Variants in CMC1 observed in about 807,000 individuals in gnomAD.
The protein encoded by CMC1 is C-X9-C motif containing 1, also known as COX assembly mitochondrial protein homolog.
A neutral mutation model predicts 14.1 loss-of-function variants in CMC1; 14 were observed. That is an observed-to-expected ratio of 0.99 (90% CI 0.66 to 1.55). The LOEUF is 1.55. Among genes scored for constraint, CMC1 ranks in the 40% most tolerant of loss-of-function variants. The probability of loss-of-function intolerance (pLI) is 0.00; values close to 1 mark genes in which losing one functional copy is unlikely to be tolerated. For synonymous variants in CMC1, 50 were observed against 38.4 expected (o/e 1.30, Z -1.12); for missense variants, 127 against 123.8 (o/e 1.03, Z -0.12).
chr3:28,255,758 A>C (rs1241892751), intron 1 of CMC1, among the ~76,000 whole-genome samples: 2 of 116,286 alleles, frequency 1.7e-5, no homozygotes, highest in African/African-American at 3.3e-5. Flanking sequence ...CACACACGCG[A>C]CAGAGATGAT....
At position 28,324,465 on chromosome 3, in the gene CMC1, A is replaced by C. The variant is rs35465423; in HGVS notation, c.*4836A>C. 1.4e-6 allele frequency: 2 copies of C among 1,451,612 alleles called. No individual in the cohort carries two copies. Among genetic ancestry groups the C allele is most frequent in the African/African-American group, 2.8e-5 (2 of 70,664 alleles). 89.9% of individuals were successfully genotyped at this position (1,451,612 alleles called of 1,614,324 possible). A position where few individuals can be genotyped will look rare whatever the true frequency, so the allele number is the denominator to read the frequency against. On this transcript the variant is annotated 3_prime_UTR_variant, in exon 4 of 4. Transcript: ENST00000466830. ...CTACAGGGGCACAGGCTAAAAAGAA[A>C]ACACAGACTAAATGTCAGTTTTCAT...
Position 28,256,898 on chromosome 3 carries a change from A to G in CMC1, c.20-6393A>G, listed in dbSNP as rs554606167. ...AATTGGAAGAGAATCTTTTGTCAGAATATTAAAATTGAGAGAGGTTTTATT... is the reference window on the plus strand; with the variant it reads ...AATTGGAAGAGAATCTTTTGTCAGAGTATTAAAATTGAGAGAGGTTTTATT... On this transcript the variant is annotated intron_variant, in intron 1 of 3. Coordinates refer to ENST00000466830, the MANE Select transcript of CMC1 (RefSeq NM_182523.2). Among the ~76,000 whole-genome samples the G allele has an allele frequency of 3.3e-5, 5 of 152,348 alleles. No homozygotes were observed. In the South Asian group the frequency reaches 1.0e-3, roughly 32 times the overall value.
In CMC1 at chr3:28,285,907, C is replaced by T. The variant is rs139190955; in HGVS notation, c.109+22527C>T. Among the ~76,000 whole-genome samples the T allele has an allele frequency of 4.4e-3, 662 of 151,894 alleles. 10 individuals carry two copies. The highest frequency in any genetic ancestry group is 0.015 in the African/African-American group (623 of 41,422). ...TCAGCCTCCCGAGTAGCTGGGACTA[C>T]GCGCCTGCCACCACACCCGGCTAAT... is the stretch of plus-strand genomic sequence containing the variant. On this transcript the variant is annotated intron_variant, in intron 2 of 3. Coordinates refer to ENST00000466830, the MANE Select transcript of CMC1 (RefSeq NM_182523.2).
chr3:28,310,942 C>T (rs555685322), intron 2 of CMC1, among the ~76,000 whole-genome samples: 5 of 152,326 alleles, frequency 3.3e-5, no homozygotes, highest in African/African-American at 1.2e-4. Flanking sequence ...TCTAATGCTG[C>T]TGCTGATCTG....
At chr3:28,277,723 C>T (rs1327907760) in intron 2 of CMC1, among the ~76,000 whole-genome samples, 1 of 152,012 alleles carries the variant, frequency 6.6e-6, no homozygotes, top group African/African-American at 2.4e-5. Flanking sequence ...ATGATCTTGG[C>T]AGAAGGAATA....
At chr3:28,292,528 G>T (rs1318156774) in intron 2 of CMC1, among the ~76,000 whole-genome samples, 1 of 151,968 alleles carries the variant, frequency 6.6e-6, no homozygotes, top group Admixed American at 6.6e-5. Context: ...TATATTTAAG[G>T]TCACCTGGGT....
intron 1 of CMC1, among the ~76,000 whole-genome samples, chr3:28,243,310 C>T (rs1698631776): frequency 6.6e-6 from 1 of 152,114 alleles, no homozygotes; most frequent in South Asian, 2.1e-4. Flanking sequence ...CCTGACTTGG[C>T]CTCCCAAAGT....
intron 1 of CMC1, among the ~76,000 whole-genome samples, chr3:28,262,241 A>G (rs1215782172): frequency 1.3e-5 from 2 of 152,114 alleles, no homozygotes; most frequent in African/African-American, 2.4e-5. Context: ...TTGGGGTTTC[A>G]GACATTTCAT....
intron 1 of CMC1, chr3:28,253,908 A>G (rs1699263254): frequency 2.7e-6 from 1 of 366,720 alleles, no homozygotes; most frequent in Non-Finnish European, 5.1e-6. Context: ...ACTCTGTAAT[A>G]TTCTTATTTG....
intron 2 of CMC1, chr3:28,293,033 A>C (rs1606386): frequency 1.3e-5 from 2 of 152,078 alleles, no homozygotes; most frequent in East Asian, 3.9e-4. Flanking sequence ...TGAATCTCCA[A>C]TCAGTTCTCT....
intron 2 of CMC1, among the ~76,000 whole-genome samples, chr3:28,309,010 G>T (rs1702484197): frequency 6.6e-6 from 1 of 151,484 alleles, no homozygotes; most frequent in African/African-American, 2.4e-5. Flanking sequence ...AAATAAATAA[G>T]CCTGCAAAAC....
intron 2 of CMC1, among the ~76,000 whole-genome samples, chr3:28,296,670 A>G (rs1188234984): frequency 6.6e-6 from 1 of 152,062 alleles, no homozygotes; most frequent in East Asian, 1.9e-4. Flanking sequence ...TAAAATGTAG[A>G]ACACAAGTAA....
chr3:28,271,012 C>T (rs1002741421), intron 2 of CMC1, among the ~76,000 whole-genome samples: 6 of 147,966 alleles, frequency 4.1e-5, no homozygotes, highest in African/African-American at 1.5e-4. Flanking sequence ...AACCCTGCAA[C>T]CTCTGCCTCC....
intron 1 of CMC1, among the ~76,000 whole-genome samples, chr3:28,261,216 T>C (rs1327351867): frequency 6.6e-6 from 1 of 152,198 alleles, no homozygotes; most frequent in East Asian, 1.9e-4. Context: ...TGTTACATCT[T>C]GTGAGAGATT....
chr3:28,241,787 C>T lies in CMC1; in HGVS notation c.-7C>T. 10 of 1,241,118 alleles carry T rather than the reference C, an allele frequency of 8.1e-6. No individual in the cohort carries two copies. The highest frequency in any genetic ancestry group is 1.0e-5 in the Non-Finnish European group (10 of 988,120). 76.9% of individuals were successfully genotyped at this position (1,241,118 alleles called of 1,614,324 possible). On this transcript the variant is annotated 5_prime_UTR_variant, in exon 1 of 4. Coordinates refer to ENST00000466830, the MANE Select transcript of CMC1 (RefSeq NM_182523.2). ...CCAAGCGGCTACGTTCTTCTCGGCCCGCCGAGATGGCGCTCGACCCCGCAG... is the reference window on the plus strand; with the variant it reads ...CCAAGCGGCTACGTTCTTCTCGGCCTGCCGAGATGGCGCTCGACCCCGCAG...
intron 2 of CMC1, among the ~76,000 whole-genome samples, chr3:28,270,920 C>CTTTTTTTTTTT (rs71087680): frequency 1.2e-5 from 1 of 83,738 alleles, no homozygotes; most frequent in Non-Finnish European, 2.3e-5. Flanking sequence ...GAGTTAATTT[C>CTTTTTTTTTTT]TTTTTTTTTT....
At chr3:28,252,095 T>C (rs1198257178) in intron 1 of CMC1, among the ~76,000 whole-genome samples, 2 of 152,242 alleles carry the variant, frequency 1.3e-5, no homozygotes, top group African/African-American at 4.8e-5. Flanking sequence ...GTTAATTTCC[T>C]GCTTTGGTAT....
At chr3:28,312,708 T>C (rs891488207) in intron 2 of CMC1, among the ~76,000 whole-genome samples, 8 of 152,232 alleles carry the variant, frequency 5.3e-5, no homozygotes, top group Non-Finnish European at 7.3e-5. Context: ...ATGATATGAC[T>C]ACTTGTACTT....
intron 2 of CMC1, among the ~76,000 whole-genome samples, chr3:28,303,012 T>G (rs1437830540): frequency 6.6e-6 from 1 of 152,196 alleles, no homozygotes; most frequent in African/African-American, 2.4e-5. Flanking sequence ...AATCTATGTA[T>G]GCCACACTAA....
Sources: gnomAD v4.1 joint callset for allele counts (sites outside exome capture counted in the v4.1 genomes callset) on GRCh38, gnomAD v4.1.1 for gene constraint, MANE v1.5 for transcripts, NCBI Gene and HGNC (gene_info 2026-07-23, HGNC 2026-07-21) for gene names.